The following KCNN1 variants were observed in gnomAD, a reference collection of about 807,000 sequenced individuals.
KCNN1 encodes the protein small conductance calcium-activated potassium channel protein 1.
KCNN1 carries 20 observed loss-of-function variants against 44.7 expected under a neutral mutation model. That is an observed-to-expected ratio of 0.45 (90% CI 0.32 to 0.65). The LOEUF (loss-of-function observed/expected upper bound fraction) is 0.65. Among genes scored for constraint, KCNN1 ranks in the 30% least tolerant of loss-of-function variants. KCNN1 has a pLI of 0.05. For synonymous variants in KCNN1, 324 were observed against 341.7 expected (o/e 0.95, Z 0.57); for missense variants, 632 against 785.3 (o/e 0.80, Z 2.33).
At chr19:17,982,150 CCCCCCAG>C (rs1449081078) in intron 4 of KCNN1, 23 bp downstream of exon 4, 19 of 1,471,598 alleles carry the variant, frequency 1.3e-5, no homozygotes, top group Non-Finnish European at 1.7e-5. Flanking sequence ...CCCCTGGAGC[CCCCCCAG>C]CCCCCAGCCC....
chr19:17,956,511 G>A (rs575255569), intron 2 of KCNN1, among the ~76,000 whole-genome samples: 36 of 152,212 alleles, frequency 2.4e-4, no homozygotes, highest in Admixed American at 8.5e-4. Context: ...GGGAGGCCAA[G>A]ACAGGAGGAT....
intron 2 of KCNN1, 65 bp from the exon 3 acceptor site, chr19:17,975,027 G>C: frequency 1.6e-6 from 2 of 1,286,848 alleles, no homozygotes; most frequent in Admixed American, 3.4e-5. Context: ...CAGGGTAAGG[G>C]GATGGGAGGG....
intron 9 of KCNN1, among the ~76,000 whole-genome samples, chr19:17,994,498 G>A (rs1017244691): frequency 4.7e-5 from 7 of 150,132 alleles, no homozygotes; most frequent in Non-Finnish European, 1.0e-4. Context: ...ACATGGATCT[G>A]TGTGTTGATT....
chr19:17,990,135 T>A, intron 7 of KCNN1: 1 of 551,384 alleles, frequency 1.8e-6, no homozygotes, highest in African/African-American at 1.9e-5. Flanking sequence ...CTTTTTGCTT[T>A]GTCTGCCAGG....
chr19:17,973,183 G>T (rs905615145), intron 1 of KCNN1, among the ~76,000 whole-genome samples: 1 of 152,170 alleles, frequency 6.6e-6, no homozygotes, highest in Non-Finnish European at 1.5e-5. Flanking sequence ...TGTCCAGGCT[G>T]GATTTAAACC....
chr19:17,958,766 C>T (rs1384148072), intron 2 of KCNN1, among the ~76,000 whole-genome samples: 1 of 151,294 alleles, frequency 6.6e-6, no homozygotes, highest in East Asian at 1.9e-4. Flanking sequence ...GGCGCGATCT[C>T]GGCTCACTGC....
chr19:17,989,800 C>G lies in KCNN1; in HGVS notation c.1255C>G (p.Arg419Gly), dbSNP rs748526364. ...GCTGGTGAAGAAGCCAGACCAAGCC[C>G]GGGTTCGGAAACACCAGCGTAAGTT... The part of the protein sequence containing the change: ...TRLVKKPDQA[R>G]VRKHQRKFLQ... Residue 419 changes from arginine (R) to glycine (G), a missense_variant, in exon 7 of 10, where the codon CGG (arginine) becomes GGG (glycine). Physicochemically the swap from Arg to Gly is moderately radical, Grantham distance 125 (BLOSUM62 -2). Coordinates refer to ENST00000684775, the MANE Select transcript of KCNN1 (RefSeq NM_001386974.1). 18 of 1,613,986 alleles carry G rather than the reference C, an allele frequency of 1.1e-5. No individual in the cohort carries two copies. Among genetic ancestry groups the G allele is most frequent in the Non-Finnish European group, 1.4e-5 (16 of 1,179,878 alleles).
In KCNN1 at chr19:17,999,915, C is replaced by T. The variant is rs2033127603; in HGVS notation, c.*1509C>T. 2.2e-6 allele frequency: 1 copy of T among 454,698 alleles called. No individual in the cohort carries two copies. Among genetic ancestry groups the T allele is most frequent in the Admixed American group, 2.4e-5 (1 of 42,438 alleles). The allele number at this position is 454,698 out of a possible 1,614,324, so 28.2% of individuals were successfully genotyped here. A position where few individuals can be genotyped will look rare whatever the true frequency, so the allele number is the denominator to read the frequency against. ...TGCTGGTCAGACCCGGGTTCGAGTC[C>T]TGACTCTGCCACTGCTGGGTGACTC... On this transcript the variant is annotated 3_prime_UTR_variant, in exon 10 of 10. Transcript: ENST00000684775.
At chr19:17,989,988 T>A in intron 7 of KCNN1, 145 bp downstream of exon 7, 1 of 1,132,426 alleles carries the variant, frequency 8.8e-7, no homozygotes, top group South Asian at 1.3e-5. Flanking sequence ...GCTGGGTGGA[T>A]GGGAGGATCT....
chr19:17,985,956 G>A (rs374602132), intron 5 of KCNN1, among the ~76,000 whole-genome samples: 4 of 152,328 alleles, frequency 2.6e-5, no homozygotes, highest in South Asian at 4.1e-4. Context: ...GGGGCCGGGC[G>A]TGGTGGCTCA....
chr19:17,992,822 C>T (rs1365138341), intron 7 of KCNN1, among the ~76,000 whole-genome samples: 1 of 152,146 alleles, frequency 6.6e-6, no homozygotes, highest in African/African-American at 2.4e-5. Flanking sequence ...GAATGAAACA[C>T]CGCCTCCGGT....
chr19:17,960,471 G>T (rs1199951414), intron 2 of KCNN1, among the ~76,000 whole-genome samples: 1 of 151,440 alleles, frequency 6.6e-6, no homozygotes, highest in African/African-American at 2.4e-5. Flanking sequence ...CTTTACTAAA[G>T]ATACAAAAAT....
In KCNN1 at chr19:17,982,110, C is replaced by T. The variant is rs768574265; in HGVS notation, c.900C>T (p.Thr300=). The T allele has an allele frequency of 2.5e-6, 4 of 1,577,250 alleles. No individual in the cohort carries two copies. The highest frequency in any genetic ancestry group is 4.6e-5 in the East Asian group (2 of 43,710). ...CCTCCTGGATCATCGCAGCCTGGAC[C>T]GTGCGCGTCTGCGAGAGGTGCGACC... ...SISSWIIAAW[T]VRVCERYHDK... is the part of the protein sequence containing the mutation. Residue 300 remains threonine, a synonymous_variant, in exon 4 of 10, where the codon ACC becomes ACT. Coordinates refer to ENST00000684775, the MANE Select transcript of KCNN1 (RefSeq NM_001386974.1).
At chr19:17,981,306 C>T (rs1212550304) in intron 3 of KCNN1, among the ~76,000 whole-genome samples, 5 of 151,894 alleles carry the variant, frequency 3.3e-5, no homozygotes, top group African/African-American at 9.7e-5. Context: ...AATCCCTGCA[C>T]TTTGGGAGGC....
At chr19:17,955,257 T>TAAAAAA in intron 2 of KCNN1, among the ~76,000 whole-genome samples, 1 of 127,706 alleles carries the variant, frequency 7.8e-6, no homozygotes, top group East Asian at 2.2e-4. Flanking sequence ...TCTCTTTAAT[T>TAAAAAA]AAAAAAAAAA....
At chr19:17,990,837 GA>G (rs1205421497) in intron 7 of KCNN1, among the ~76,000 whole-genome samples, 1 of 150,296 alleles carries the variant, frequency 6.7e-6, no homozygotes, top group Non-Finnish European at 1.5e-5. Context: ...AAAAAAAGAA[GA>G]AAGAAATTGC....
At chr19:17,952,982 G>A (rs989544621) in intron 1 of KCNN1, among the ~76,000 whole-genome samples, 2 of 152,186 alleles carry the variant, frequency 1.3e-5, no homozygotes. Context: ...GGGGAGGTCA[G>A]CTTTGGGATC....
chr19:17,955,886 T>A (rs2031532793), intron 2 of KCNN1, among the ~76,000 whole-genome samples: 1 of 149,624 alleles, frequency 6.7e-6, no homozygotes, highest in Non-Finnish European at 1.5e-5. Flanking sequence ...GCTCCTGTGC[T>A]CCTTTCTCCA....
chr19:17,998,386 GC>G lies in KCNN1; in HGVS notation c.1617del (p.Ser540ArgfsTer40), dbSNP rs34235096. ...CTCCCCCTGCCGGTGGACGCCCGTG[GC>G]CCCCTCGGACTGCGGGTGACGGCCC... is the stretch of plus-strand genomic sequence containing the variant. ...RSSPCRWTPV[A>X]PSDCG On this transcript the variant is annotated frameshift_variant, in exon 10 of 10. Transcript: ENST00000684775. LOFTEE classifies it high-confidence loss of function. This position sits in a 1 kb window ranked among gnomAD's most constrained non-coding sequence, Gnocchi z 5.4. 6.7e-7 allele frequency: 1 copy of G among 1,490,060 alleles called. No individual in the cohort carries two copies. Among genetic ancestry groups the G allele is most frequent in the Non-Finnish European group, 8.9e-7 (1 of 1,126,092 alleles). 92.3% of individuals were successfully genotyped at this position (1,490,060 alleles called of 1,614,324 possible). A position where few individuals can be genotyped will look rare whatever the true frequency, so the allele number is the denominator to read the frequency against.
Sources: gnomAD v4.1 joint callset for allele counts (sites outside exome capture counted in the v4.1 genomes callset) on GRCh38, gnomAD v4.1.1 for gene constraint, Gnocchi (gnomAD v3.1) non-coding constraint, MANE v1.5 for transcripts, NCBI Gene and HGNC (gene_info 2026-07-23, HGNC 2026-07-21) for gene names.